Variants in KCNN2 observed in about 807,000 individuals in gnomAD.
KCNN2 encodes the protein small conductance calcium-activated potassium channel protein 2.
Under a neutral mutation model 55.5 loss-of-function variants are expected in KCNN2, and 24 were observed. The ratio of observed to expected loss-of-function variants is 0.43; its 90% CI spans 0.31 to 0.61. The LOEUF is 0.61. Among genes scored for constraint, KCNN2 ranks in the 20% least tolerant of loss-of-function variants. The probability of loss-of-function intolerance (pLI) is 0.08; values close to 1 mark genes in which losing one functional copy is unlikely to be tolerated. For synonymous variants in KCNN2, 431 were observed against 336.1 expected, an observed-to-expected ratio of 1.28 and a Z score of -3.09; for missense variants, 754 against 853.6, an observed-to-expected ratio of 0.88 and a Z score of 1.45.
intron 1 of KCNN2, among the ~76,000 whole-genome samples, chr5:114,207,118 G>T (rs1177943111): frequency 1.3e-5 from 2 of 152,080 alleles, no homozygotes; most frequent in Non-Finnish European, 2.9e-5. Flanking sequence ...GGGAGCTGAG[G>T]GAAGTGTCTT....
chr5:114,066,510 G>A (rs1332989023), intron 1 of KCNN2, among the ~76,000 whole-genome samples: 3 of 152,326 alleles, frequency 2.0e-5, no homozygotes, highest in South Asian at 2.1e-4. Context: ...CAGTAACAAC[G>A]GATACACACT....
In KCNN2 at chr5:114,088,885, C is replaced by T. The variant is rs997815614; in HGVS notation, c.-271+32385C>T. ...ATCCACCCACTTTGTCCTCCAAAAG[C>T]GCTGAGATTACAGGCGTGAGCCACT... On this transcript the variant is annotated intron_variant, in intron 1 of 10. Coordinates refer to the KCNN2 transcript ENST00000512097. 3.3e-5 allele frequency among the ~76,000 whole-genome samples: 5 copies of T among 152,230 alleles called. No homozygotes were observed. In the East Asian group the frequency reaches 7.7e-4, roughly 24 times the overall value.
intron 2 of KCNN2, among the ~76,000 whole-genome samples, chr5:114,395,845 C>T (rs564991066): frequency 3.4e-4 from 52 of 152,220 alleles, no homozygotes; most frequent in Middle Eastern, 3.4e-3. Context: ...CTTCCAAATG[C>T]CCTCCGCATT....
chr5:114,492,753 GAATTTTTCC>G (rs1747921872), intron 6 of KCNN2, among the ~76,000 whole-genome samples: 1 of 152,016 alleles, frequency 6.6e-6, no homozygotes, highest in Non-Finnish European at 1.5e-5. Flanking sequence ...CTGAAAATGG[GAATTTTTCC>G]TAGGAAATGG....
intron 2 of KCNN2, among the ~76,000 whole-genome samples, chr5:114,237,342 C>T (rs577209340): frequency 6.6e-6 from 1 of 151,092 alleles, no homozygotes; most frequent in African/African-American, 2.4e-5. Flanking sequence ...CCTGGTTTTG[C>T]TTTCTATGTG....
intron 1 of KCNN2, among the ~76,000 whole-genome samples, chr5:114,157,503 T>A (rs1483962590): frequency 2.6e-5 from 4 of 152,180 alleles, no homozygotes; most frequent in African/African-American, 4.8e-5. Flanking sequence ...TGATTTATAA[T>A]CCTTTGGGTA....
intron 1 of KCNN2, among the ~76,000 whole-genome samples, chr5:114,215,023 C>G (rs1753973162): frequency 6.6e-6 from 1 of 152,058 alleles, no homozygotes; most frequent in African/African-American, 2.4e-5. Context: ...CTTGTTACCT[C>G]CACAAAACCA....
At position 114,344,637 on chromosome 5, in the gene KCNN2, C is replaced by A. The variant is rs540968857; in HGVS notation, c.-184-16308C>A. Among the ~76,000 whole-genome samples the A allele has an allele frequency of 5.7e-4, 87 of 152,270 alleles. 1 individual carries two copies. The highest frequency in any genetic ancestry group is 6.8e-3 in the Middle Eastern group (2 of 294). ...ACCCAAGGGACTGACCATGAGTCACCTCTTTAGCCCAAACTATAAGGTATG... is the reference window on the plus strand; with the variant it reads ...ACCCAAGGGACTGACCATGAGTCACATCTTTAGCCCAAACTATAAGGTATG... On this transcript the variant is annotated intron_variant, in intron 2 of 10. Transcript: ENST00000512097.
At chr5:114,215,375 T>A (rs1429962989) in intron 1 of KCNN2, among the ~76,000 whole-genome samples, 1 of 152,110 alleles carries the variant, frequency 6.6e-6, no homozygotes, top group African/African-American at 2.4e-5. Context: ...AAGAAACCAG[T>A]AGCTAGATAA....
At chr5:114,071,091 A>G (rs897596709) in intron 1 of KCNN2, among the ~76,000 whole-genome samples, 5 of 152,222 alleles carry the variant, frequency 3.3e-5, no homozygotes, top group Non-Finnish European at 5.9e-5. Context: ...ATCTAAATAA[A>G]GATAATTAGT....
At chr5:114,450,685 T>C (rs1169218460) in intron 3 of KCNN2, among the ~76,000 whole-genome samples, 1 of 152,156 alleles carries the variant, frequency 6.6e-6, no homozygotes, top group African/African-American at 2.4e-5. Context: ...CCAGCTGCCC[T>C]GAAACTCTAG....
intron 2 of KCNN2, among the ~76,000 whole-genome samples, chr5:114,250,754 C>T (rs1449374007): frequency 6.6e-6 from 1 of 152,188 alleles, no homozygotes; most frequent in African/African-American, 2.4e-5. Context: ...TTGGGCCACA[C>T]TTAGAGCCAC....
chr5:114,345,434 T>G (rs1244918372), intron 2 of KCNN2, among the ~76,000 whole-genome samples: 1 of 152,154 alleles, frequency 6.6e-6, no homozygotes, highest in Admixed American at 6.5e-5. Flanking sequence ...CTCTGACACT[T>G]AGAATCATTG....
At chr5:114,227,148 C>T (rs953644611) in intron 2 of KCNN2, among the ~76,000 whole-genome samples, 2 of 152,106 alleles carry the variant, frequency 1.3e-5, no homozygotes, top group Admixed American at 1.3e-4. Flanking sequence ...ACTTGGTTCA[C>T]CTCTAAAATG....
At chr5:114,313,788 T>C (rs928060320) in intron 2 of KCNN2, among the ~76,000 whole-genome samples, 1 of 152,182 alleles carries the variant, frequency 6.6e-6, no homozygotes, top group Non-Finnish European at 1.5e-5. Context: ...TTCTCTCCTA[T>C]TAATTTCATA....
chr5:114,290,948 A>G (rs1436243021), intron 2 of KCNN2, among the ~76,000 whole-genome samples: 2 of 151,990 alleles, frequency 1.3e-5, no homozygotes, highest in African/African-American at 2.4e-5. Flanking sequence ...ACCATGTTTT[A>G]TATGGTTGCA....
At chr5:114,117,680 C>T (rs1751732646) in intron 1 of KCNN2, among the ~76,000 whole-genome samples, 2 of 152,080 alleles carry the variant, frequency 1.3e-5, no homozygotes, top group Non-Finnish European at 2.9e-5. Context: ...AGAGGGAGGT[C>T]TTTGAGGAGA....
At chr5:114,106,317 A>G (rs539212389) in intron 1 of KCNN2, among the ~76,000 whole-genome samples, 69 of 151,798 alleles carry the variant, frequency 4.5e-4, no homozygotes, top group Admixed American at 7.9e-4. Context: ...ACACTCTTGT[A>G]TAATTTTTGC....
intron 2 of KCNN2, among the ~76,000 whole-genome samples, chr5:114,269,028 A>T (rs1755266751): frequency 6.6e-6 from 1 of 151,970 alleles, no homozygotes; most frequent in Admixed American, 6.6e-5. Context: ...TCATGAGCTC[A>T]TCCATAAGCC....
Sources: allele counts gnomAD v4.1 joint callset (sites outside exome capture counted in the v4.1 genomes callset), GRCh38; gene constraint gnomAD v4.1.1; transcripts MANE v1.5; gene names NCBI Gene and HGNC (gene_info 2026-07-23, HGNC 2026-07-21).